Variants in CACNA2D3 observed in about 807,000 individuals in gnomAD.
CACNA2D3 encodes the protein calcium voltage-gated channel auxiliary subunit alpha2delta 3, also known as voltage-dependent calcium channel subunit alpha-2/delta-3.
CACNA2D3 carries 60 observed loss-of-function variants against 160.6 expected under a neutral mutation model. The observed-to-expected ratio is 0.37, with a 90% CI of 0.30 to 0.46. The LOEUF (loss-of-function observed/expected upper bound fraction) is 0.46. CACNA2D3 is among the 20% of genes least tolerant of loss of function. The pLI is 1.00. For synonymous variants in CACNA2D3, 558 were observed against 492.9 expected (o/e 1.13, Z -1.75); for missense variants, 1,205 against 1,365.0 (o/e 0.88, Z 1.85).
At chr3:54,568,336 T>C (rs1702441138) in intron 6 of CACNA2D3, among the ~76,000 whole-genome samples, 1 of 152,224 alleles carries the variant, frequency 6.6e-6, no homozygotes, top group Admixed American at 6.5e-5. Context: ...GGGATTTACG[T>C]ACATTCTGGG....
At chr3:54,926,349 C>CA (rs1191241658) in intron 27 of CACNA2D3, among the ~76,000 whole-genome samples, 1 of 152,056 alleles carries the variant, frequency 6.6e-6, no homozygotes, top group Non-Finnish European at 1.5e-5. Flanking sequence ...ATCACTTGCC[C>CA]AAGTTCACAC....
chr3:54,339,060 T>C (rs1559454324), intron 3 of CACNA2D3, among the ~76,000 whole-genome samples: 2 of 152,306 alleles, frequency 1.3e-5, no homozygotes, highest in East Asian at 1.9e-4. Context: ...TGCAGAGAAC[T>C]TGTCATCCTC....
intron 2 of CACNA2D3, among the ~76,000 whole-genome samples, chr3:54,190,023 C>T (rs1428180319): frequency 6.6e-6 from 1 of 152,174 alleles, no homozygotes; most frequent in African/African-American, 2.4e-5. Flanking sequence ...TGTCCCAGTT[C>T]TGAAAGTCCG....
chr3:54,303,879 G>C (rs1248108419), intron 2 of CACNA2D3, among the ~76,000 whole-genome samples: 1 of 143,428 alleles, frequency 7.0e-6, no homozygotes, highest in Non-Finnish European at 1.5e-5. Flanking sequence ...TTGCCTTGTG[G>C]GGCTGCAAGA....
chr3:54,507,742 C>T (rs1701394229), intron 5 of CACNA2D3, among the ~76,000 whole-genome samples: 1 of 152,112 alleles, frequency 6.6e-6, no homozygotes, highest in South Asian at 2.1e-4. Flanking sequence ...AGAGTCACAC[C>T]CAGAGTCACA....
intron 2 of CACNA2D3, among the ~76,000 whole-genome samples, chr3:54,212,529 A>G (rs1259165628): frequency 6.6e-6 from 1 of 152,224 alleles, no homozygotes; most frequent in African/African-American, 2.4e-5. Context: ...AGCAGGCGTC[A>G]GAGAGAATAG....
chr3:54,540,431 AT>A (rs1206590113), intron 5 of CACNA2D3, among the ~76,000 whole-genome samples: 1 of 152,212 alleles, frequency 6.6e-6, no homozygotes, highest in Admixed American at 6.5e-5. Context: ...TACCATGGGC[AT>A]TTTGAATTTG....
intron 26 of CACNA2D3, among the ~76,000 whole-genome samples, chr3:54,897,977 TG>T (rs939869766): frequency 6.6e-6 from 1 of 152,172 alleles, no homozygotes; most frequent in Admixed American, 6.5e-5. Flanking sequence ...TCTTTGGGTC[TG>T]TGCTCCTTTG....
At chr3:54,371,155 T>G (rs1002310140) in intron 3 of CACNA2D3, among the ~76,000 whole-genome samples, 4 of 152,200 alleles carry the variant, frequency 2.6e-5, no homozygotes, top group Admixed American at 2.6e-4. Flanking sequence ...TTGGCTGTAA[T>G]GATTGATGCT....
chr3:54,318,139 GT>G (rs202159260), intron 2 of CACNA2D3, among the ~76,000 whole-genome samples: 14,228 of 152,096 alleles, frequency 0.094, 849 homozygotes, highest in East Asian at 0.18. Flanking sequence ...AATCTTTTGT[GT>G]CTGCTGTGGG....
intron 2 of CACNA2D3, among the ~76,000 whole-genome samples, chr3:54,256,606 AT>A (rs556688625): frequency 2.7e-4 from 41 of 152,220 alleles, no homozygotes; most frequent in African/African-American, 8.9e-4. Flanking sequence ...GAGGGTCCAC[AT>A]TTTTCTGTAT....
chr3:55,022,518 T>G (rs1703478171), intron 35 of CACNA2D3, among the ~76,000 whole-genome samples: 1 of 146,840 alleles, frequency 6.8e-6, no homozygotes, highest in South Asian at 2.1e-4. Flanking sequence ...GTTTTTTCTT[T>G]GTTCCTTTCT....
At chr3:54,727,313 T>G (rs1289702285) in intron 11 of CACNA2D3, among the ~76,000 whole-genome samples, 1 of 152,124 alleles carries the variant, frequency 6.6e-6, no homozygotes, top group African/African-American at 2.4e-5. Flanking sequence ...TTGGTGGGAG[T>G]GTAAATTAGT....
chr3:54,326,248 A>G (rs914634897), intron 3 of CACNA2D3, among the ~76,000 whole-genome samples: 1 of 152,210 alleles, frequency 6.6e-6, no homozygotes, highest in African/African-American at 2.4e-5. Flanking sequence ...CTTCTCAGAA[A>G]AATGGATTTT....
intron 16 of CACNA2D3, among the ~76,000 whole-genome samples, chr3:54,843,721 A>G (rs1044411161): frequency 6.6e-5 from 10 of 152,350 alleles, no homozygotes; most frequent in Middle Eastern, 3.4e-3. Context: ...AGTGAGGACC[A>G]TTGTGGAAAT....
At chr3:54,972,996 A>G (rs566463497) in intron 29 of CACNA2D3, among the ~76,000 whole-genome samples, 1 of 152,298 alleles carries the variant, frequency 6.6e-6, no homozygotes, top group East Asian at 1.9e-4. Flanking sequence ...ACCGGTTAGC[A>G]GGAGAGATAA....
At chr3:54,584,470 A>G (rs887979549) in intron 9 of CACNA2D3, among the ~76,000 whole-genome samples, 2 of 152,202 alleles carry the variant, frequency 1.3e-5, no homozygotes, top group African/African-American at 4.8e-5. Context: ...ATCAATAGCA[A>G]TTACCCAATT....
At chr3:54,125,493 C>T (rs911639813) in intron 2 of CACNA2D3, among the ~76,000 whole-genome samples, 1 of 152,078 alleles carries the variant, frequency 6.6e-6, no homozygotes, top group African/African-American at 2.4e-5. Flanking sequence ...ATTTTGTAAT[C>T]TGATGCGAGG....
chr3:54,526,405 T>G (rs934654894), intron 5 of CACNA2D3, among the ~76,000 whole-genome samples: 1 of 152,204 alleles, frequency 6.6e-6, no homozygotes, highest in Non-Finnish European at 1.5e-5. Context: ...TTGCATGTCT[T>G]GTAATTTTTA....
Sources: gnomAD v4.1 joint callset for allele counts (sites outside exome capture counted in the v4.1 genomes callset) on GRCh38, gnomAD v4.1.1 for gene constraint, MANE v1.5 for transcripts, NCBI Gene and HGNC (gene_info 2026-07-23, HGNC 2026-07-21) for gene names.